Variants in COL4A5 observed in about 807,000 individuals in gnomAD.
COL4A5 encodes collagen alpha-5(IV) chain.
Under a neutral mutation model 130.2 loss-of-function variants are expected in COL4A5, and 26 were observed. That is an observed-to-expected ratio of 0.20 (90% CI 0.15 to 0.28). The LOEUF is 0.28. Among genes scored for constraint, COL4A5 ranks in the 10% least tolerant of loss-of-function variants. COL4A5 has a pLI of 1.00. For synonymous variants in COL4A5, 496 were observed against 439.6 expected, an observed-to-expected ratio of 1.13 and a Z score of -1.60; for missense variants, 1,131 against 1,344.3, an observed-to-expected ratio of 0.84 and a Z score of 2.48.
At chrX:108,566,888 A>G (rs2065983115) in intron 4 of COL4A5, among the ~76,000 whole-genome samples, 1 of 111,814 alleles carries the variant, frequency 8.9e-6, no homozygotes, top group Non-Finnish European at 1.9e-5. Flanking sequence ...TTTAAGAGAA[A>G]AATTAACATG....
At chrX:108,665,405 C>G (rs1338333111) in intron 37 of COL4A5, 102 bp from the exon 38 acceptor site, 1 of 553,572 alleles carries the variant, frequency 1.8e-6, no homozygotes, top group African/African-American at 2.3e-5. Context: ...TCTTTTTGTT[C>G]TTCACTGTTT....
At chrX:108,455,277 T>C (rs2064572946) in intron 1 of COL4A5, among the ~76,000 whole-genome samples, 1 of 112,432 alleles carries the variant, frequency 8.9e-6, no homozygotes, top group African/African-American at 3.2e-5. Context: ...CCATAGTTTA[T>C]TATTTTATTG....
At chrX:108,598,126 G>A (rs1434267829) in intron 24 of COL4A5, among the ~76,000 whole-genome samples, 2 of 110,968 alleles carry the variant, frequency 1.8e-5, no homozygotes, top group Non-Finnish European at 3.8e-5. Context: ...GGGAGGCGGA[G>A]GTTGCAGTGA....
intron 28 of COL4A5, among the ~76,000 whole-genome samples, chrX:108,605,057 AG>A (rs1371865058): frequency 8.9e-6 from 1 of 112,147 alleles, no homozygotes; most frequent in Non-Finnish European, 1.9e-5. Flanking sequence ...TATCAGCAAT[AG>A]GGCTGTTTTA....
chrX:108,524,577 T>G (rs1406905471), intron 1 of COL4A5, among the ~76,000 whole-genome samples: 2 of 111,278 alleles, frequency 1.8e-5, no homozygotes, highest in Non-Finnish European at 3.8e-5. Context: ...TCTGATGTTT[T>G]ACATTGAAAT....
intron 36 of COL4A5, among the ~76,000 whole-genome samples, chrX:108,641,658 T>C (rs991756835): frequency 1.5e-4 from 17 of 111,752 alleles, no homozygotes; most frequent in Non-Finnish European, 2.6e-4. Context: ...GGGAGAAGTT[T>C]CTGACCTTAC....
intron 2 of COL4A5, among the ~76,000 whole-genome samples, chrX:108,551,977 G>A (rs2065759505): frequency 8.9e-6 from 1 of 111,974 alleles, no homozygotes; most frequent in African/African-American, 3.2e-5. Context: ...AATACCACAT[G>A]TTCTCACTAA....
At chrX:108,550,142 T>C (rs2065728483) in intron 2 of COL4A5, among the ~76,000 whole-genome samples, 1 of 111,475 alleles carries the variant, frequency 9.0e-6, no homozygotes, top group Non-Finnish European at 1.9e-5. Context: ...ATTCAGAAAA[T>C]AGAGGGATAT....
chrX:108,642,498 A>T (rs945848190), intron 36 of COL4A5, among the ~76,000 whole-genome samples: 1 of 110,557 alleles, frequency 9.0e-6, no homozygotes, highest in Non-Finnish European at 1.9e-5. Flanking sequence ...ACCCCCTGCC[A>T]CCTCCACTGG....
At chrX:108,598,670 T>C in intron 24 of COL4A5, 32 bp from the exon 25 acceptor site, 1 of 1,166,469 alleles carries the variant, frequency 8.6e-7, no homozygotes, top group Non-Finnish European at 1.2e-6. Flanking sequence ...GTTGTATCTA[T>C]ATGTTTCTGT....
chrX:108,464,083 C>T (rs2064679660), intron 1 of COL4A5, among the ~76,000 whole-genome samples: 1 of 111,376 alleles, frequency 9.0e-6, no homozygotes, highest in Non-Finnish European at 1.9e-5. Context: ...TGTCTTAATG[C>T]CTGGCGTAGA....
intron 1 of COL4A5, among the ~76,000 whole-genome samples, chrX:108,524,556 C>T (rs867898701): frequency 2.7e-5 from 3 of 109,750 alleles, no homozygotes; most frequent in Non-Finnish European, 5.7e-5. Context: ...GGGGTTACTT[C>T]GCTCTCTTTT....
intron 1 of COL4A5, among the ~76,000 whole-genome samples, chrX:108,531,501 G>A (rs959236602): frequency 2.7e-5 from 3 of 109,565 alleles, no homozygotes; most frequent in Non-Finnish European, 5.7e-5. Flanking sequence ...CATTAAAAAC[G>A]TAGAAAAATA....
At chrX:108,470,903 T>A (rs765129899) in intron 1 of COL4A5, among the ~76,000 whole-genome samples, 6 of 111,542 alleles carry the variant, frequency 5.4e-5, no homozygotes, top group African/African-American at 1.3e-4. Context: ...GAATAGAGAG[T>A]CATTTTCCCA....
chrX:108,495,792 A>G (rs188457332), intron 1 of COL4A5, among the ~76,000 whole-genome samples: 49 of 112,428 alleles, frequency 4.4e-4, no homozygotes, highest in Middle Eastern at 4.6e-3. Flanking sequence ...CAATGGGCTC[A>G]TGAGCAAAAT....
intron 1 of COL4A5, among the ~76,000 whole-genome samples, chrX:108,510,767 A>T (rs2065172796): frequency 9.0e-6 from 1 of 111,298 alleles, no homozygotes; most frequent in African/African-American, 3.3e-5. Context: ...TGAAACATTC[A>T]TGTGTTTTTG....
Position 108,473,633 on chromosome X carries a change from A to ATT in COL4A5, c.81+33439_81+33440dup, listed in dbSNP as rs1203616884. Among the ~76,000 whole-genome samples, 79 of 34,559 alleles carry ATT rather than the reference A, an allele frequency of 2.3e-3. 3 individuals carry two copies. Among genetic ancestry groups the ATT allele is most frequent in the African/African-American group, 4.7e-3 (44 of 9,278 alleles). 30.0% of individuals were successfully genotyped at this position (34,559 alleles called of 115,157 possible). A position where few individuals can be genotyped will look rare whatever the true frequency, so the allele number is the denominator to read the frequency against. On this transcript the variant is annotated intron_variant, in intron 1 of 52. Coordinates refer to ENST00000328300, the MANE Select transcript of COL4A5 (RefSeq NM_033380.3). ...TATATGTATATATATATATATATAT[A>ATT]TTTTTTTTTTTTTGAGATGAAGTCT...
At chrX:108,631,792 A>C (rs1451527128) in intron 36 of COL4A5, among the ~76,000 whole-genome samples, 2 of 111,867 alleles carry the variant, frequency 1.8e-5, no homozygotes, top group South Asian at 3.7e-4. Context: ...ATGAAAAGAA[A>C]GACAACATTC....
intron 1 of COL4A5, among the ~76,000 whole-genome samples, chrX:108,520,142 T>C (rs2065252205): frequency 3.6e-5 from 4 of 111,565 alleles, no homozygotes; most frequent in Non-Finnish European, 7.6e-5. Context: ...CTCAGTTCTG[T>C]TTAGGTTTGA....
Sources: gnomAD v4.1 joint callset for allele counts (sites outside exome capture counted in the v4.1 genomes callset) on GRCh38, gnomAD v4.1.1 for gene constraint, MANE v1.5 for transcripts, NCBI Gene and HGNC (gene_info 2026-07-23, HGNC 2026-07-21) for gene names.